HELZ: variants seen among roughly 807,000 people sequenced by gnomAD.
HELZ encodes ATP-dependent RNA helicase with zinc finger domain.
In HELZ, 23 loss-of-function variants were observed where a neutral mutation model predicts 218.2. The observed-to-expected ratio is 0.11, with a 90% CI of 0.08 to 0.15. The LOEUF is 0.15. Ranked by LOEUF, HELZ falls within the 10% of genes least tolerant of loss-of-function variation. The probability of loss-of-function intolerance (pLI) is 1.00; values close to 1 mark genes in which losing one functional copy is unlikely to be tolerated. For synonymous variants in HELZ, 814 were observed against 829.4 expected (o/e 0.98, Z 0.32); for missense variants, 1,813 against 2,353.7 (o/e 0.77, Z 4.75).
intron 21 of HELZ, among the ~76,000 whole-genome samples, chr17:67,142,814 T>C (rs1598309147): frequency 6.6e-6 from 1 of 152,134 alleles, no homozygotes; most frequent in Non-Finnish European, 1.5e-5. Context: ...TACAGTGCGG[T>C]GGCACAATCT....
intron 3 of HELZ, among the ~76,000 whole-genome samples, chr17:67,236,620 A>G (rs1336534803): frequency 6.6e-6 from 1 of 152,220 alleles, no homozygotes; most frequent in African/African-American, 2.4e-5. Flanking sequence ...TAAGATGTAA[A>G]TGTTTCATGA....
At chr17:67,155,233 A>G (rs2038804743) in intron 17 of HELZ, among the ~76,000 whole-genome samples, 1 of 152,192 alleles carries the variant, frequency 6.6e-6, no homozygotes. Context: ...GAGAGAAGAA[A>G]AAGAAATTCC....
Position 67,212,314 on chromosome 17 carries a change from C to CAAAAAAAAAAAAAAAAAAAAAA in HELZ, c.247+3584_247+3585insTTTTTTTTTTTTTTTTTTTTTT, listed in dbSNP as rs10692832. Among the ~76,000 whole-genome samples the CAAAAAAAAAAAAAAAAAAAAAA allele has an allele frequency of 9.8e-4, 21 of 21,406 alleles. 9 individuals are homozygous for CAAAAAAAAAAAAAAAAAAAAAA. Among genetic ancestry groups the CAAAAAAAAAAAAAAAAAAAAAA allele is most frequent in the Admixed American group, 7.3e-3 (6 of 822 alleles). 14.0% of individuals were successfully genotyped at this position (21,406 alleles called of 152,430 possible). The stretch of plus-strand genomic sequence containing the variant: ...TGGGCGACAGGGAGAGACACCATCT[C>CAAAAAAAAAAAAAAAAAAAAAA]AAAAAAAAAAAAAAAAAAAAAGGCT... On this transcript the variant is annotated intron_variant, in intron 5 of 32. Transcript: ENST00000358691.
chr17:67,198,079 T>C (rs1567883822), intron 7 of HELZ, among the ~76,000 whole-genome samples: 1 of 152,176 alleles, frequency 6.6e-6, no homozygotes, highest in Non-Finnish European at 1.5e-5. Flanking sequence ...ATAACATATA[T>C]AAATAGATAG....
chr17:67,241,988 A>G (rs1267491897), intron 2 of HELZ, among the ~76,000 whole-genome samples: 3 of 152,252 alleles, frequency 2.0e-5, no homozygotes, highest in Non-Finnish European at 2.9e-5. Flanking sequence ...GTCTTGACAC[A>G]ATTCAGGTCA....
chr17:67,189,528 C>CA, intron 11 of HELZ, 61 bp downstream of exon 11: 3 of 1,064,120 alleles, frequency 2.8e-6, no homozygotes, highest in East Asian at 2.4e-5. Flanking sequence ...ATTCAAAGGT[C>CA]AAAAAAACGT....
intron 15 of HELZ, among the ~76,000 whole-genome samples, chr17:67,165,977 T>A (rs6504490): frequency 0.075 from 11,412 of 151,656 alleles, 1,408 homozygotes; most frequent in African/African-American, 0.26. Context: ...CAAAAAAAAA[T>A]TTTTTTTAAT....
intron 20 of HELZ, among the ~76,000 whole-genome samples, chr17:67,147,366 C>G (rs1252712205): frequency 6.6e-6 from 1 of 152,164 alleles, no homozygotes; most frequent in Admixed American, 6.5e-5. Flanking sequence ...TTGTTACAGT[C>G]TTTTGTTATA....
intron 8 of HELZ, among the ~76,000 whole-genome samples, 191 bp from the exon 9 acceptor site, chr17:67,194,233 G>A (rs909494189): frequency 6.6e-6 from 1 of 152,136 alleles, no homozygotes; most frequent in Non-Finnish European, 1.5e-5. Flanking sequence ...TCACTGAAGA[G>A]GCAGTTTCCC....
chr17:67,220,477 TTTTTAA>T (rs1280274887), intron 3 of HELZ, among the ~76,000 whole-genome samples: 3 of 152,206 alleles, frequency 2.0e-5, no homozygotes, highest in Non-Finnish European at 4.4e-5. Flanking sequence ...CAGTTTGGAA[TTTTTAA>T]TTTTAACACT....
intron 15 of HELZ, among the ~76,000 whole-genome samples, chr17:67,165,542 T>G (rs1158618685): frequency 6.6e-6 from 1 of 152,158 alleles, no homozygotes; most frequent in Non-Finnish European, 1.5e-5. Flanking sequence ...AACTTCTATT[T>G]TGTAGAGCCA....
intron 2 of HELZ, among the ~76,000 whole-genome samples, chr17:67,241,397 C>G (rs1447982152): frequency 6.6e-6 from 1 of 152,170 alleles, no homozygotes; most frequent in Non-Finnish European, 1.5e-5. Flanking sequence ...CAATTATAGA[C>G]TAATCTACAT....
At chr17:67,097,966 C>G (rs1325640176) in intron 31 of HELZ, among the ~76,000 whole-genome samples, 2 of 152,072 alleles carry the variant, frequency 1.3e-5, no homozygotes, top group Non-Finnish European at 2.9e-5. Flanking sequence ...CTAAATTAAT[C>G]ATTTGAGCAG....
At chr17:67,200,895 C>T (rs2040151126) in intron 7 of HELZ, 1 of 490,456 alleles carries the variant, frequency 2.0e-6, no homozygotes, top group East Asian at 3.1e-5. Flanking sequence ...GTTCTGTCCA[C>T]TAGGGACAGA....
chr17:67,173,983 A>C (rs1012707897), intron 13 of HELZ, among the ~76,000 whole-genome samples: 1 of 152,254 alleles, frequency 6.6e-6, no homozygotes, highest in Non-Finnish European at 1.5e-5. Flanking sequence ...TTGAAAATGT[A>C]TCTCTTAAAA....
Position 67,145,835 on chromosome 17 carries a change from C to T in HELZ, c.2677G>A (p.Ala893Thr). 5.6e-6 allele frequency: 9 copies of T among 1,613,560 alleles called. No individual in the cohort carries two copies. The highest frequency in any genetic ancestry group is 7.6e-6 in the Non-Finnish European group (9 of 1,179,686). The change falls in exon 21 of 33, where the codon GCA (alanine) becomes ACA (threonine). Residue 893 changes from alanine to threonine, a missense_variant. Around this residue, in one of 4 missense-constraint regions of HELZ, gnomAD observed 156 missense variants for 274.4 expected, o/e 0.57. Coordinates refer to ENST00000358691, the MANE Select transcript of HELZ (RefSeq NM_014877.4). ...GTTAGTGGGTAGAAATCTTTGTGTG[C>T]TGGCTGCTTCCCACTGGCCATCAGT... ...GKLMASGKQPAHKDFYPLTFF... is the reference protein window; with the variant it reads ...GKLMASGKQPTHKDFYPLTFF...
intron 3 of HELZ, among the ~76,000 whole-genome samples, chr17:67,234,945 G>A (rs80207465): frequency 0.018 from 2,792 of 152,262 alleles, 83 homozygotes; most frequent in African/African-American, 0.06. Flanking sequence ...CAAGAAGGCA[G>A]TATCGCTCCC....
chr17:67,086,779 T>G (rs774775926), intron 32 of HELZ, 50 bp downstream of exon 32: 3 of 1,590,644 alleles, frequency 1.9e-6, no homozygotes, highest in African/African-American at 1.4e-5. Context: ...TCCACAGATA[T>G]CCGGGAGCTG....
Position 67,109,174 on chromosome 17 carries a change from T to C in HELZ, c.4431A>G (p.Ser1477=). The C allele has an allele frequency of 1.9e-6, 3 of 1,613,984 alleles. No homozygotes were observed. The South Asian group carries it at 3.3e-5, about 18-fold the overall frequency. ...TCTCATCAATGAAGCTATTCAGATG[T>C]GAAGGAAGAATGGGGCCGGGTTGTG... ...AIAQPGPILP[S]HLNSFIDENP... The change falls in exon 29 of 33, where the codon TCA becomes TCG. Residue 1477 remains serine, a synonymous_variant. Coordinates refer to ENST00000358691, the MANE Select transcript of HELZ (RefSeq NM_014877.4).
Sources: allele counts gnomAD v4.1 joint callset (sites outside exome capture counted in the v4.1 genomes callset), GRCh38; gene constraint gnomAD v4.1.1; regional missense constraint gnomAD v4.1.1; transcripts MANE v1.5; gene names NCBI Gene and HGNC (gene_info 2026-07-23, HGNC 2026-07-21).